Variants in NETO1 observed in about 807,000 individuals in gnomAD.
NETO1 encodes the protein neuropilin and tolloid-like protein 1.
Under a neutral mutation model 61.3 loss-of-function variants are expected in NETO1, and 26 were observed. The observed-to-expected ratio is 0.42, with a 90% CI of 0.31 to 0.59. The LOEUF is 0.59. NETO1 is among the 20% of genes least tolerant of loss of function. The pLI is 0.12. For missense variants in NETO1, 531 were observed against 662.8 expected (o/e 0.80, Z 2.18); for synonymous variants, 225 against 225.8 (o/e 1.00, Z 0.03).
rs1568165922 is a variant in NETO1 at position 72,747,692 on chromosome 18, CT to C, written c.*486del. ...GGTGATTCCATGGTCCACACTGTCA[CT>C]TTTCACTGTAGCATGTTCAAAATCA... On this transcript the variant is annotated 3_prime_UTR_variant, in exon 11 of 11. Coordinates refer to ENST00000327305, the MANE Select transcript of NETO1 (RefSeq NM_138966.5). 6.6e-6 allele frequency: 1 copy of C among 152,084 alleles called. No individual in the cohort carries two copies. Among genetic ancestry groups the C allele is most frequent in the African/African-American group, 2.4e-5 (1 of 41,440 alleles). The allele number at this position is 152,084 out of a possible 1,614,324, so 9.4% of individuals were successfully genotyped here. A position where few individuals can be genotyped will look rare whatever the true frequency, so the allele number is the denominator to read the frequency against.
At position 72,821,234 on chromosome 18, in the gene NETO1, T is replaced by TAAAAAAAAAAAAAAAAAA. The variant is rs10672110; in HGVS notation, c.470-26848_470-26831dup. Reference sequence around the variant, plus strand: ...TAAGCATTCTCTTCTTCATATTAACTAAAAAAAAAAAAAAAAAAAAAAATG... The same window carrying TAAAAAAAAAAAAAAAAAA: ...TAAGCATTCTCTTCTTCATATTAACTAAAAAAAAAAAAAAAAAAAAAAAAAAAAAAAAAAAAAAAAATG... On this transcript the variant is annotated intron_variant, in intron 4 of 10. Transcript: ENST00000327305. 1.9e-4 allele frequency among the ~76,000 whole-genome samples: 15 copies of TAAAAAAAAAAAAAAAAAA among 80,208 alleles called. 1 individual carries two copies. Among genetic ancestry groups the TAAAAAAAAAAAAAAAAAA allele is most frequent in the Non-Finnish European group, 3.0e-4 (13 of 42,644 alleles). 52.6% of individuals were successfully genotyped at this position (80,208 alleles called of 152,430 possible).
Position 72,843,842 on chromosome 18 carries a change from C to T in NETO1, c.469+14984G>A, listed in dbSNP as rs181760482. Among the ~76,000 whole-genome samples the T allele has an allele frequency of 1.1e-3, 167 of 152,288 alleles. 1 individual carries two copies. Among genetic ancestry groups the T allele is most frequent in the Middle Eastern group, 0.01 (3 of 294 alleles). ...CTAAGATTGTTTGTAAGATAAGAGG[C>T]TAGGACTGAATAAAATGTAAAATTC... is the stretch of plus-strand genomic sequence containing the variant. On this transcript the variant is annotated intron_variant, in intron 4 of 10. Coordinates refer to ENST00000327305, the MANE Select transcript of NETO1 (RefSeq NM_138966.5).
chr18:72,866,821 T>C (rs1030500453), intron 1 of NETO1: 9 of 1,003,556 alleles, frequency 9.0e-6, no homozygotes, highest in Middle Eastern at 4.9e-4. Flanking sequence ...CAGCGCTGGC[T>C]TCAGGTGTGC....
intron 4 of NETO1, among the ~76,000 whole-genome samples, chr18:72,846,503 T>TAAAAAA (rs2074089438): frequency 3.3e-4 from 1 of 2,996 alleles, no homozygotes; most frequent in Non-Finnish European, 6.9e-4. Flanking sequence ...AGACTTCATC[T>TAAAAAA]CAAAAAAAAA....
intron 4 of NETO1, among the ~76,000 whole-genome samples, chr18:72,822,518 C>T (rs1298886768): frequency 6.6e-6 from 1 of 152,196 alleles, no homozygotes; most frequent in Admixed American, 6.5e-5. Flanking sequence ...GAATCTAACT[C>T]ACCAAAGCTT....
intron 7 of NETO1, among the ~76,000 whole-genome samples, chr18:72,763,132 G>GTTT (rs5826209): frequency 0.03 from 4,401 of 146,498 alleles, 96 homozygotes; most frequent in Admixed American, 0.044. Flanking sequence ...ATTAGATTTC[G>GTTT]TTTTTTTTTT....
intron 4 of NETO1, among the ~76,000 whole-genome samples, chr18:72,810,847 C>A (rs1268151180): frequency 6.6e-6 from 1 of 152,040 alleles, no homozygotes; most frequent in African/African-American, 2.4e-5. Context: ...TTTTTAGGTT[C>A]GGTGATGTTA....
Position 72,867,595 on chromosome 18 carries a change from C to G in NETO1, c.-304G>C, listed in dbSNP as rs1209655454. Reference sequence around the variant, plus strand: ...ACACCCGGGCGCCGGCCGCCACCATCCGCGCCGCCGCCGTCAGGACCCTCC... The same window carrying G: ...ACACCCGGGCGCCGGCCGCCACCATGCGCGCCGCCGCCGTCAGGACCCTCC... On this transcript the variant is annotated 5_prime_UTR_variant, in exon 1 of 11. Transcript: ENST00000327305. The G allele has an allele frequency of 1.9e-5, 5 of 260,450 alleles. No individual in the cohort carries two copies. The highest frequency in any genetic ancestry group is 1.6e-4 in the Admixed American group (3 of 18,250). 16.1% of individuals were successfully genotyped at this position (260,450 alleles called of 1,614,324 possible).
intron 6 of NETO1, among the ~76,000 whole-genome samples, chr18:72,793,381 A>T (rs1006019251): frequency 1.3e-5 from 2 of 152,190 alleles, no homozygotes; most frequent in Non-Finnish European, 2.9e-5. Flanking sequence ...CAGAATCACC[A>T]TAGTTGTGCT....
intron 7 of NETO1, among the ~76,000 whole-genome samples, chr18:72,758,898 T>C (rs1245576141): frequency 6.6e-6 from 1 of 152,238 alleles, no homozygotes; most frequent in Non-Finnish European, 1.5e-5. Context: ...AAATTGTACA[T>C]ACCTTTGGCA....
intron 4 of NETO1, chr18:72,834,185 C>T: frequency 1.6e-6 from 1 of 618,526 alleles, no homozygotes; most frequent in Non-Finnish European, 2.0e-6. Context: ...TAATAAAATA[C>T]AACATATATG....
At chr18:72,801,196 C>T (rs2072494484) in intron 4 of NETO1, among the ~76,000 whole-genome samples, 1 of 152,198 alleles carries the variant, frequency 6.6e-6, no homozygotes, top group Admixed American at 6.5e-5. Context: ...ACTCCGTCAG[C>T]TTCATTTTAT....
At chr18:72,807,662 G>A (rs1327049992) in intron 4 of NETO1, among the ~76,000 whole-genome samples, 2 of 151,062 alleles carry the variant, frequency 1.3e-5, no homozygotes, top group Admixed American at 6.6e-5. Flanking sequence ...ATAGAGTGAA[G>A]AAGAAATCAT....
intron 4 of NETO1, among the ~76,000 whole-genome samples, chr18:72,820,424 C>T (rs2073155967): frequency 1.3e-5 from 2 of 152,180 alleles, no homozygotes; most frequent in Admixed American, 6.5e-5. Context: ...GTTATTTTTA[C>T]ATAACTATAT....
intron 4 of NETO1, among the ~76,000 whole-genome samples, chr18:72,800,725 TG>T (rs1942593704): frequency 6.6e-6 from 1 of 152,210 alleles, no homozygotes; most frequent in Non-Finnish European, 1.5e-5. Context: ...AGGGACTTTG[TG>T]TCTCTTGACC....
Position 72,858,784 on chromosome 18 carries a change from A to G in NETO1, c.469+42T>C, listed in dbSNP as rs2156105. 3 of 1,537,660 alleles carry G rather than the reference A, an allele frequency of 2.0e-6. No homozygotes were observed. The Admixed American group carries it at 6.2e-5, about 32-fold the overall frequency. Reference sequence around the variant, plus strand: ...GATTTTGTACTATGAAGATAGAAAAATGAGGAAGAAAAAGAAATTTTTTTT... The same window carrying G: ...GATTTTGTACTATGAAGATAGAAAAGTGAGGAAGAAAAAGAAATTTTTTTT... On this transcript the variant is annotated intron_variant, in intron 4 of 10. Transcript: ENST00000327305.
chr18:72,753,208 G>C (rs893407395), intron 8 of NETO1, among the ~76,000 whole-genome samples: 6 of 151,776 alleles, frequency 4.0e-5, no homozygotes, highest in Non-Finnish European at 8.8e-5. Context: ...CCACACAAAG[G>C]CATATGATAT....
chr18:72,834,711 C>G, intron 4 of NETO1: 1 of 985,066 alleles, frequency 1.0e-6, no homozygotes. Context: ...ATAATACGCT[C>G]TCTTCAGCTT....
chr18:72,763,395 C>A (rs1451062677), intron 7 of NETO1, among the ~76,000 whole-genome samples: 1 of 152,162 alleles, frequency 6.6e-6, no homozygotes, highest in African/African-American at 2.4e-5. Context: ...GACTTAGGGT[C>A]TGGCTCTCTT....
Sources: gnomAD v4.1 joint callset for allele counts (sites outside exome capture counted in the v4.1 genomes callset) on GRCh38, gnomAD v4.1.1 for gene constraint, MANE v1.5 for transcripts, NCBI Gene and HGNC (gene_info 2026-07-23, HGNC 2026-07-21) for gene names.